Variants in TPRG1 observed in about 807,000 individuals in gnomAD.
The protein encoded by TPRG1 is tumor protein p63-regulated gene 1 protein.
Under a neutral mutation model 29.3 loss-of-function variants are expected in TPRG1, and 29 were observed. The ratio of observed to expected loss-of-function variants is 0.99; its 90% CI spans 0.74 to 1.35. The LOEUF (loss-of-function observed/expected upper bound fraction) is 1.35. Ranked by LOEUF, TPRG1 falls within the 40% of genes most tolerant of loss-of-function variation. TPRG1 has a pLI of 0.00. For missense variants in TPRG1, 327 were observed against 335.0 expected, an observed-to-expected ratio of 0.98 and a Z score of 0.19; for synonymous variants, 130 against 116.8, an observed-to-expected ratio of 1.11 and a Z score of -0.73.
intron 3 of TPRG1, among the ~76,000 whole-genome samples, chr3:189,224,104 A>G (rs1005059676): frequency 6.6e-6 from 1 of 152,228 alleles, no homozygotes; most frequent in African/African-American, 2.4e-5. Context: ...GGAACATAAA[A>G]CTCACTGTGT....
chr3:189,146,272 C>G (rs949338478), intron 3 of TPRG1, among the ~76,000 whole-genome samples: 9 of 152,006 alleles, frequency 5.9e-5, no homozygotes, highest in African/African-American at 2.2e-4. Flanking sequence ...ATGCTGGTGG[C>G]CAAAGGATAA....
intron 4 of TPRG1, among the ~76,000 whole-genome samples, chr3:189,265,293 G>C (rs1258920375): frequency 1.3e-5 from 2 of 152,088 alleles, no homozygotes; most frequent in African/African-American, 4.8e-5. Context: ...TCACATGATG[G>C]GCCTGTCTTC....
intron 4 of TPRG1, among the ~76,000 whole-genome samples, chr3:189,028,728 C>T (rs762109765): frequency 3.3e-5 from 5 of 152,130 alleles, no homozygotes; most frequent in Non-Finnish European, 5.9e-5. Context: ...GCACACTGCA[C>T]ACTGTGTATG....
intron 3 of TPRG1, among the ~76,000 whole-genome samples, chr3:189,133,315 C>T (rs565405569): frequency 6.6e-6 from 1 of 152,222 alleles, no homozygotes; most frequent in Admixed American, 6.5e-5. Flanking sequence ...AGTGCCAACT[C>T]CAGAGAGGAA....
intron 4 of TPRG1, among the ~76,000 whole-genome samples, chr3:189,282,533 C>T (rs1317990358): frequency 6.6e-6 from 1 of 152,112 alleles, no homozygotes; most frequent in Non-Finnish European, 1.5e-5. Context: ...TCCTCTCTCC[C>T]CCTTTTCTCT....
intron 4 of TPRG1, among the ~76,000 whole-genome samples, chr3:189,246,798 A>C (rs79775331): frequency 0.018 from 2,676 of 152,226 alleles, 83 homozygotes; most frequent in African/African-American, 0.06. Flanking sequence ...CTTCTTTCAG[A>C]ACTTTCAAGA....
chr3:189,150,619 A>C (rs925967845), intron 4 of TPRG1: 1 of 152,214 alleles, frequency 6.6e-6, no homozygotes, highest in South Asian at 2.1e-4. Context: ...ATCACAATAC[A>C]TGATCAATAA....
chr3:189,230,142 TGGGA>T (rs1443184107), intron 3 of TPRG1, among the ~76,000 whole-genome samples: 4 of 152,172 alleles, frequency 2.6e-5, no homozygotes, highest in African/African-American at 9.7e-5. Context: ...AGTGGTCTTG[TGGGA>T]AAGAGAGAAG....
chr3:189,206,909 G>A lies in TPRG1; in HGVS notation c.-9-467G>A, dbSNP rs191243482. 1.0e-3 allele frequency among the ~76,000 whole-genome samples: 154 copies of A among 151,788 alleles called. 1 individual carries two copies. Among genetic ancestry groups the A allele is most frequent in the African/African-American group, 3.5e-3 (146 of 41,326 alleles). The stretch of plus-strand genomic sequence containing the variant: ...TTCTTAGAATAAATTTTTAGAATTC[G>A]AATCTTTCAGTTAAAAACATGTTCA... On this transcript the variant is annotated intron_variant, in intron 1 of 5. Coordinates refer to ENST00000345063, the MANE Select transcript of TPRG1 (RefSeq NM_198485.4).
intron 3 of TPRG1, among the ~76,000 whole-genome samples, chr3:189,014,671 T>C: frequency 6.6e-6 from 1 of 152,090 alleles, no homozygotes; most frequent in Middle Eastern, 3.2e-3. Context: ...TCACAAGATA[T>C]TGTCATTTGA....
intron 4 of TPRG1, among the ~76,000 whole-genome samples, chr3:189,074,353 C>G (rs1716998966): frequency 6.6e-6 from 1 of 151,338 alleles, no homozygotes; most frequent in Non-Finnish European, 1.5e-5. Flanking sequence ...CTACAGGCGC[C>G]CGCCACTACG....
chr3:189,026,097 G>A (rs1353868673), intron 4 of TPRG1, among the ~76,000 whole-genome samples: 1 of 152,196 alleles, frequency 6.6e-6, no homozygotes, highest in Non-Finnish European at 1.5e-5. Context: ...ACAACAAAAT[G>A]CCACAGATTG....
At chr3:189,129,136 A>G (rs1467807324) in intron 2 of TPRG1, among the ~76,000 whole-genome samples, 4 of 152,164 alleles carry the variant, frequency 2.6e-5, no homozygotes, top group Non-Finnish European at 4.4e-5. Flanking sequence ...TTTTTTCACA[A>G]ATGTCCTTTC....
chr3:189,165,722 G>A (rs1282706013), intron 5 of TPRG1, among the ~76,000 whole-genome samples: 1 of 152,118 alleles, frequency 6.6e-6, no homozygotes, highest in Non-Finnish European at 1.5e-5. Context: ...CACTGGGGGT[G>A]GGACTATTAT....
At chr3:189,086,151 G>A (rs890326904) in intron 4 of TPRG1, among the ~76,000 whole-genome samples, 1 of 152,080 alleles carries the variant, frequency 6.6e-6, no homozygotes, top group African/African-American at 2.4e-5. Context: ...AGGTCAAAGG[G>A]TCCAAAAGCT....
intron 1 of TPRG1, among the ~76,000 whole-genome samples, chr3:189,201,356 A>T (rs1219193816): frequency 6.6e-6 from 1 of 152,206 alleles, no homozygotes; most frequent in Non-Finnish European, 1.5e-5. Flanking sequence ...TAGGATTTTT[A>T]AAAATCCCGT....
At chr3:189,140,404 C>T (rs1724387809) in intron 3 of TPRG1, among the ~76,000 whole-genome samples, 3 of 152,144 alleles carry the variant, frequency 2.0e-5, no homozygotes, top group African/African-American at 7.2e-5. Flanking sequence ...AGTGTACCCT[C>T]ACAACTTACA....
intron 1 of TPRG1, among the ~76,000 whole-genome samples, chr3:189,105,688 T>G (rs114778158): frequency 0.01 from 1,551 of 152,280 alleles, 27 homozygotes; most frequent in African/African-American, 0.034. Context: ...TCTACCAGTT[T>G]TACTGTTTTA....
intron 4 of TPRG1, among the ~76,000 whole-genome samples, chr3:189,149,045 A>G (rs575315584): frequency 3.3e-5 from 5 of 152,190 alleles, no homozygotes; most frequent in Admixed American, 1.3e-4. Context: ...TATCCCTCCT[A>G]TGTCATAGGT....
Sources: allele counts gnomAD v4.1 joint callset (sites outside exome capture counted in the v4.1 genomes callset), GRCh38; gene constraint gnomAD v4.1.1; transcripts MANE v1.5; gene names NCBI Gene and HGNC (gene_info 2026-07-23, HGNC 2026-07-21).